The following TAF4B variants were observed in gnomAD, a reference collection of about 807,000 sequenced individuals.
The protein encoded by TAF4B is transcription initiation factor TFIID subunit 4B.
In TAF4B, 38 loss-of-function variants were observed where a neutral mutation model predicts 86.4. The observed-to-expected ratio is 0.44, with a 90% CI of 0.34 to 0.58. The LOEUF (loss-of-function observed/expected upper bound fraction) is 0.58. Among genes scored for constraint, TAF4B ranks in the 20% least tolerant of loss-of-function variants. The pLI is 0.02. For synonymous variants in TAF4B, 388 were observed against 391.2 expected (o/e 0.99, Z 0.10); for missense variants, 988 against 1,027.6 (o/e 0.96, Z 0.53).
At chr18:26,336,037 G>A (rs1198266838) in intron 13 of TAF4B, among the ~76,000 whole-genome samples, 1 of 152,116 alleles carries the variant, frequency 6.6e-6, no homozygotes. Context: ...GTGTATGGGT[G>A]TGTGTGTGAA....
chr18:26,323,186 G>A (rs1254195929), intron 11 of TAF4B, among the ~76,000 whole-genome samples: 1 of 152,142 alleles, frequency 6.6e-6, no homozygotes, highest in Admixed American at 6.6e-5. Flanking sequence ...ATGTGCACTT[G>A]AGAAGAATGT....
At position 26,347,663 on chromosome 18, in the gene TAF4B, T is replaced by C. The variant is rs8091230; in HGVS notation, c.2317-10027T>C. Among the ~76,000 whole-genome samples the C allele has an allele frequency of 8.3e-3, 1,270 of 152,296 alleles. 6 individuals carry two copies. The highest frequency in any genetic ancestry group is 0.028 in the African/African-American group (1,172 of 41,556). ...ATGGTTAAATAAAACAAGACTCAAC[T>C]GTATACTGCCGACAGTAAATTCACT... On this transcript the variant is annotated intron_variant, in intron 13 of 14. Transcript: ENST00000269142.
chr18:26,291,242 C>T (rs1320161416), intron 7 of TAF4B, among the ~76,000 whole-genome samples: 1 of 152,028 alleles, frequency 6.6e-6, no homozygotes, highest in African/African-American at 2.4e-5. Context: ...TACATGATGA[C>T]TGTTTTTCTA....
At chr18:26,301,699 A>G (rs1003009042) in intron 9 of TAF4B, among the ~76,000 whole-genome samples, 2 of 152,158 alleles carry the variant, frequency 1.3e-5, no homozygotes, top group African/African-American at 2.4e-5. Flanking sequence ...GCACTTGGTA[A>G]TATTTAATTA....
intron 13 of TAF4B, among the ~76,000 whole-genome samples, chr18:26,346,897 ATATGTGTGTG>A (rs1448342715): frequency 0.022 from 256 of 11,864 alleles, 45 homozygotes; most frequent in Non-Finnish European, 0.039. Context: ...ATATATATAT[ATATGTGTGTG>A]TATATATATA....
chr18:26,348,735 A>G (rs973593805), intron 13 of TAF4B: 1 of 153,686 alleles, frequency 6.5e-6, no homozygotes, highest in African/African-American at 2.4e-5. Flanking sequence ...TGTCTTGGCA[A>G]CCAGACTTCA....
At position 26,384,880 on chromosome 18, in the gene TAF4B, A is replaced by G. The variant is rs140544688; in HGVS notation, c.2422-4965A>G. Among the ~76,000 whole-genome samples the G allele has an allele frequency of 1.7e-3, 252 of 152,338 alleles. 6 individuals carry two copies. The East Asian group carries it at 0.039, about 23-fold the overall frequency. Reference sequence around the variant, plus strand: ...GAAATTAAGTAATTTGAGATTGCCTATGGAGGAGACAACGAGTGTTTGCCA... The same window carrying G: ...GAAATTAAGTAATTTGAGATTGCCTGTGGAGGAGACAACGAGTGTTTGCCA... On this transcript the variant is annotated intron_variant, in intron 14 of 14. Coordinates refer to ENST00000269142, the MANE Select transcript of TAF4B (RefSeq NM_005640.3).
chr18:26,389,192 C>G (rs1306761805), intron 14 of TAF4B, among the ~76,000 whole-genome samples: 1 of 152,220 alleles, frequency 6.6e-6, no homozygotes. Flanking sequence ...CTTAACCTAT[C>G]TAAGCTCAGT....
At chr18:26,372,838 C>T (rs1174270154) in intron 14 of TAF4B, among the ~76,000 whole-genome samples, 5 of 17,922 alleles carry the variant, frequency 2.8e-4, no homozygotes, top group Non-Finnish European at 1.1e-3. Context: ...GGCATAGTGG[C>T]GGGTGCTGTA....
chr18:26,277,684 GT>G (rs1186015413), intron 5 of TAF4B, among the ~76,000 whole-genome samples: 1 of 152,134 alleles, frequency 6.6e-6, no homozygotes, highest in African/African-American at 2.4e-5. Context: ...CCAGATCATG[GT>G]GGATATTCTT....
chr18:26,310,245 T>G (rs1036566670), intron 9 of TAF4B, among the ~76,000 whole-genome samples: 7 of 152,178 alleles, frequency 4.6e-5, no homozygotes, highest in African/African-American at 1.7e-4. Flanking sequence ...TCATGATCAT[T>G]TAAGTGTGCC....
At chr18:26,244,345 G>A (rs1277496870) in intron 1 of TAF4B, among the ~76,000 whole-genome samples, 1 of 152,228 alleles carries the variant, frequency 6.6e-6, no homozygotes, top group Admixed American at 6.5e-5. Context: ...AGCAGTGAGC[G>A]AGGTTCTGTG....
At chr18:26,320,705 T>G (rs1015696223) in intron 10 of TAF4B, among the ~76,000 whole-genome samples, 5 of 152,166 alleles carry the variant, frequency 3.3e-5, no homozygotes, top group African/African-American at 1.2e-4. Context: ...AAAATGTAAT[T>G]TTCTATTTTT....
At chr18:26,286,564 G>C (rs55819001) in intron 7 of TAF4B, 65 bp downstream of exon 7, 1 of 1,509,606 alleles carries the variant, frequency 6.6e-7, no homozygotes, top group East Asian at 2.2e-5. Flanking sequence ...CAGAAAACTG[G>C]TAAGACTAGT....
At chr18:26,370,481 C>G (rs1028389240) in intron 14 of TAF4B, among the ~76,000 whole-genome samples, 2 of 152,204 alleles carry the variant, frequency 1.3e-5, no homozygotes, top group Non-Finnish European at 2.9e-5. Context: ...CCCTGTCTGT[C>G]TGAAGGAGGT....
intron 1 of TAF4B, among the ~76,000 whole-genome samples, chr18:26,238,780 C>T (rs1209025474): frequency 6.6e-6 from 1 of 152,084 alleles, no homozygotes; most frequent in Non-Finnish European, 1.5e-5. Flanking sequence ...TGATGTTCCC[C>T]ACCCTGTGTC....
chr18:26,342,915 C>T (rs1221202073), intron 13 of TAF4B, among the ~76,000 whole-genome samples: 1 of 152,156 alleles, frequency 6.6e-6, no homozygotes, highest in Non-Finnish European at 1.5e-5. Context: ...AAAGGCTAGT[C>T]AGTATATAAT....
At position 26,235,565 on chromosome 18, in the gene TAF4B, G is replaced by T. The variant is rs1199306385; in HGVS notation, c.343+8289G>T. 5.3e-5 allele frequency among the ~76,000 whole-genome samples: 8 copies of T among 152,316 alleles called. 1 individual carries two copies. The highest frequency in any genetic ancestry group is 1.9e-4 in the African/African-American group (8 of 41,562). ...AAATCATCCACATACTGAAGGACCA[G>T]AGTGCCTGGACTTGAGAAGTGGCCT... is the stretch of plus-strand genomic sequence containing the variant. On this transcript the variant is annotated intron_variant, in intron 1 of 14. Coordinates refer to ENST00000269142, the MANE Select transcript of TAF4B (RefSeq NM_005640.3).
chr18:26,279,130 G>A (rs1803810330), intron 5 of TAF4B, among the ~76,000 whole-genome samples: 1 of 152,098 alleles, frequency 6.6e-6, no homozygotes, highest in Non-Finnish European at 1.5e-5. Flanking sequence ...AAATCTTAAA[G>A]ACTCTGCCAA....
Sources: gnomAD v4.1 joint callset for allele counts (sites outside exome capture counted in the v4.1 genomes callset) on GRCh38, gnomAD v4.1.1 for gene constraint, MANE v1.5 for transcripts, NCBI Gene and HGNC (gene_info 2026-07-23, HGNC 2026-07-21) for gene names.